The following ZNF737 variants were observed in gnomAD, a reference collection of about 807,000 sequenced individuals.
ZNF737 encodes the protein zinc finger protein 102 (Y3).
Under a neutral mutation model 11.7 loss-of-function variants are expected in ZNF737, and 13 were observed. That is an observed-to-expected ratio of 1.11 (90% CI 0.73 to 1.77). The LOEUF is 1.77. Ranked by LOEUF, ZNF737 falls within the 40% of genes most tolerant of loss-of-function variation. The probability of loss-of-function intolerance (pLI) is 0.00; values close to 1 mark genes in which losing one functional copy is unlikely to be tolerated. For synonymous variants in ZNF737, 217 were observed against 216.2 expected (o/e 1.00, Z -0.03); for missense variants, 636 against 638.0 (o/e 1.00, Z 0.03).
chr19:20,530,939 T>C (rs1473808077), downstream of ZNF737, among the ~76,000 whole-genome samples: 9 of 148,698 alleles, frequency 6.1e-5, no homozygotes, highest in East Asian at 1.8e-3. Context: ...CTGGGCACCA[T>C]TGAGCACTGA....
Position 20,539,654 on chromosome 19 carries a change from A to G in ZNF737, c.*4938T>C, listed in dbSNP as rs1337595409. On this transcript the variant is annotated 3_prime_UTR_variant, in exon 4 of 4. Transcript: ENST00000427401. ...TAATCTTGTATTACAGTATAGTAGA[A>G]TCCTCTATAATTAGAAGTTAATTAT... 1.1e-6 allele frequency: 1 copy of G among 930,630 alleles called. No individual in the cohort carries two copies. The highest frequency in any genetic ancestry group is 1.3e-6 in the Non-Finnish European group (1 of 780,238). 57.6% of individuals were successfully genotyped at this position (930,630 alleles called of 1,614,324 possible).
At chr19:20,563,486 CTTTTT>C (rs59511067) in intron 1 of ZNF737, among the ~76,000 whole-genome samples, 5 of 123,662 alleles carry the variant, frequency 4.0e-5, no homozygotes, top group Non-Finnish European at 3.4e-5. Context: ...GAAGTGCTTA[CTTTTT>C]TTTTTTTTTT....
chr19:20,547,781 T>G lies in ZNF737; in HGVS notation c.227-1805A>C, dbSNP rs868944558. Among the ~76,000 whole-genome samples, 11 of 152,294 alleles carry G rather than the reference T, an allele frequency of 7.2e-5. No homozygotes were observed. In the South Asian group the frequency reaches 2.3e-3, roughly 32 times the overall value. ...CAATAAAAATAAAACCCATGTTGATTGCTGGTGGAAAACAAAGACACAGCC... is the reference window on the plus strand; with the variant it reads ...CAATAAAAATAAAACCCATGTTGATGGCTGGTGGAAAACAAAGACACAGCC... On this transcript the variant is annotated intron_variant, in intron 3 of 3. Coordinates refer to ENST00000427401, the MANE Select transcript of ZNF737 (RefSeq NM_001159293.2).
At chr19:20,552,672 T>A in intron 2 of ZNF737, 102 bp from the exon 3 acceptor site, 1 of 714,352 alleles carries the variant, frequency 1.4e-6, no homozygotes, top group Non-Finnish European at 2.1e-6. Context: ...TATAGTAAAT[T>A]AATACCAAAA....
intron 2 of ZNF737, among the ~76,000 whole-genome samples, chr19:20,552,927 G>A (rs1968742299): frequency 6.6e-6 from 1 of 150,682 alleles, no homozygotes; most frequent in Non-Finnish European, 1.5e-5. Flanking sequence ...CAGAAGAATT[G>A]CTTCAACCTG....
At chr19:20,554,371 T>G (rs1968807477) in intron 1 of ZNF737, among the ~76,000 whole-genome samples, 1 of 152,204 alleles carries the variant, frequency 6.6e-6, no homozygotes, top group Non-Finnish European at 1.5e-5. Context: ...TCCCAGTTTT[T>G]CTGGCCTGTA....
At chr19:20,530,589 G>C in the ZNF737 span, among the ~76,000 whole-genome samples, 2 of 148,484 alleles carry the variant, frequency 1.3e-5, 1 homozygote, top group South Asian at 4.5e-4. Flanking sequence ...CCTCCCAGAC[G>C]GGGTCGTGGC....
In ZNF737 at chr19:20,538,474, G is replaced by A. The variant is rs1353755817; in HGVS notation, c.*6118C>T. 2 of 184,702 alleles carry A rather than the reference G, an allele frequency of 1.1e-5. No homozygotes were observed. The highest frequency in any genetic ancestry group is 2.4e-5 in the African/African-American group (1 of 42,032). 11.4% of individuals were successfully genotyped at this position (184,702 alleles called of 1,614,324 possible). On this transcript the variant is annotated 3_prime_UTR_variant, in exon 4 of 4. Coordinates refer to ENST00000427401, the MANE Select transcript of ZNF737 (RefSeq NM_001159293.2). ...GTCCCATTCCAGCCAATGAAAACCA[G>A]ACACAGCAGTAGGGTGGACACGTCA...
chr19:20,562,151 T>C lies in ZNF737; in HGVS notation c.3+3487A>G, dbSNP rs143838488. Among the ~76,000 whole-genome samples, 814 of 152,156 alleles carry C rather than the reference T, an allele frequency of 5.3e-3. 9 individuals carry two copies. The highest frequency in any genetic ancestry group is 0.018 in the African/African-American group (758 of 41,498). Reference sequence around the variant, plus strand: ...CACACACACTGCACATTTTCTCCTTTTTCTCATTAAAAAAATCAGCTGAAT... The same window carrying C: ...CACACACACTGCACATTTTCTCCTTCTTCTCATTAAAAAAATCAGCTGAAT... On this transcript the variant is annotated intron_variant, in intron 1 of 3. Transcript: ENST00000427401.
chr19:20,553,870 TA>T (rs1555759653), intron 1 of ZNF737, 35 bp from the exon 2 acceptor site: 3 of 1,600,568 alleles, frequency 1.9e-6, no homozygotes, highest in Non-Finnish European at 2.6e-6. Flanking sequence ...TTTTACCAAG[TA>T]GCCAAGGGTG....
intron 3 of ZNF737, among the ~76,000 whole-genome samples, chr19:20,549,929 CAAA>C (rs58715059): frequency 0.038 from 4,285 of 113,482 alleles, 193 homozygotes; most frequent in African/African-American, 0.13. Flanking sequence ...GACTCCATCT[CAAA>C]AAAAAAAAAA....
At position 20,553,802 on chromosome 19, in the gene ZNF737, A is replaced by G. The variant is rs372880945; in HGVS notation, c.37T>C (p.Phe13Leu). ...AGGCAATGCCACTCCTCCAGAGAGAATTCTATGGCCACGTCTCTAAATTGC... is the reference window on the plus strand; with the variant it reads ...AGGCAATGCCACTCCTCCAGAGAGAGTTCTATGGCCACGTCTCTAAATTGC... Reference protein sequence around the residue: ...PLQFRDVAIEFSLEEWHCLDT... With the variant: ...PLQFRDVAIELSLEEWHCLDT... The change falls in exon 2 of 4, where the codon TTC (phenylalanine) becomes CTC (leucine). Residue 13 changes from phenylalanine to leucine, a missense_variant. Physicochemically the swap from Phe to Leu is conservative, Grantham distance 22. Coordinates refer to ENST00000427401, the MANE Select transcript of ZNF737 (RefSeq NM_001159293.2). 3.1e-4 allele frequency: 499 copies of G among 1,613,932 alleles called. 2 individuals carry two copies. In the African/African-American group the frequency reaches 6.0e-3, roughly 19 times the overall value.
At chr19:20,548,120 C>T (rs1555757437) in intron 3 of ZNF737, among the ~76,000 whole-genome samples, 3 of 151,818 alleles carry the variant, frequency 2.0e-5, no homozygotes, top group Admixed American at 6.6e-5. Context: ...TTAGCCTGGG[C>T]AACAGAGTGA....
intron 1 of ZNF737, among the ~76,000 whole-genome samples, chr19:20,559,093 GA>G (rs1469526811): frequency 1.3e-5 from 2 of 152,134 alleles, no homozygotes; most frequent in Non-Finnish European, 2.9e-5. Flanking sequence ...GAAAACCTAG[GA>G]AATACCATTC....
rs1212020911 is a variant in ZNF737, at chr19:20,556,942, TTTAG to T, written c.4-3111_4-3108del. Among the ~76,000 whole-genome samples the T allele has an allele frequency of 2.6e-5, 4 of 152,304 alleles. No homozygotes were observed. In the South Asian group the frequency reaches 6.2e-4, roughly 24 times the overall value. On this transcript the variant is annotated intron_variant, in intron 1 of 3. Transcript: ENST00000427401. ...ACTAAGGGTTTAATAGTTTTCAAGA[TTTAG>T]TTAAAGGGCCCAGCATTTTTATTTC...
downstream of ZNF737, among the ~76,000 whole-genome samples, chr19:20,534,437 C>A (rs1275707976): frequency 7.5e-6 from 1 of 132,804 alleles, no homozygotes; most frequent in African/African-American, 2.9e-5. Context: ...GAAACTCTGT[C>A]TCAAAAAAAG....
Position 20,539,662 on chromosome 19 carries a change from T to C in ZNF737, c.*4930A>G. 1.1e-6 allele frequency: 1 copy of C among 935,324 alleles called. No individual in the cohort carries two copies. Among genetic ancestry groups the C allele is most frequent in the Non-Finnish European group, 1.3e-6 (1 of 784,364 alleles). The allele number at this position is 935,324 out of a possible 1,614,324, so 57.9% of individuals were successfully genotyped here. On this transcript the variant is annotated 3_prime_UTR_variant, in exon 4 of 4. Coordinates refer to ENST00000427401, the MANE Select transcript of ZNF737 (RefSeq NM_001159293.2). ...TATTACAGTATAGTAGAATCCTCTA[T>C]AATTAGAAGTTAATTATTTATAAAT... is the stretch of plus-strand genomic sequence containing the variant.
At chr19:20,563,236 C>T (rs1555762936) in intron 1 of ZNF737, among the ~76,000 whole-genome samples, 1 of 122,578 alleles carries the variant, frequency 8.2e-6, no homozygotes, top group African/African-American at 3.1e-5. Flanking sequence ...TCTGTAGCTT[C>T]TCTCAGGATA....
At chr19:20,536,181 C>T (rs1267899927), downstream of ZNF737, 9 of 739,824 alleles carry the variant, frequency 1.2e-5, no homozygotes, top group African/African-American at 1.9e-5. Flanking sequence ...GCATCAGTAA[C>T]CCTTCTAGTA....
Sources: gnomAD v4.1 joint callset for allele counts (sites outside exome capture counted in the v4.1 genomes callset) on GRCh38, gnomAD v4.1.1 for gene constraint, MANE v1.5 for transcripts, NCBI Gene and HGNC (gene_info 2026-07-23, HGNC 2026-07-21) for gene names.